Variants in SLC43A3 observed in about 807,000 individuals in gnomAD.
SLC43A3 encodes the protein equilibrative nucleobase transporter 1.
In SLC43A3, 33 loss-of-function variants were observed where a neutral mutation model predicts 53.3. That is an observed-to-expected ratio of 0.62 (90% confidence interval 0.47 to 0.83). SLC43A3 has a LOEUF of 0.83. Ranked by LOEUF, SLC43A3 falls within the 40% of genes least tolerant of loss-of-function variation. The pLI, the probability that SLC43A3 is intolerant of heterozygous loss-of-function variation, is 0.00. For synonymous variants in SLC43A3, 236 were observed against 246.2 expected (o/e 0.96, Z 0.39); for missense variants, 530 against 610.0 (o/e 0.87, Z 1.38).
intron 11 of SLC43A3, among the ~76,000 whole-genome samples, chr11:57,411,776 A>G (rs1942486621): frequency 6.6e-6 from 1 of 152,158 alleles, no homozygotes; most frequent in Non-Finnish European, 1.5e-5. Flanking sequence ...AGAAGTAGCA[A>G]CAGTATTTAG....
intron 4 of SLC43A3, 127 bp downstream of exon 4, chr11:57,425,414 G>T: frequency 1.1e-6 from 1 of 922,956 alleles, no homozygotes; most frequent in Non-Finnish European, 1.7e-6. Flanking sequence ...GCTGCTGGGA[G>T]CGAGCTGCAG....
At position 57,408,841 on chromosome 11, in the gene SLC43A3, A is replaced by G. The variant is rs1942321719; in HGVS notation, c.1371+334T>C. ...CATCCCTCCAGGTGTAAGGACACAG[A>G]GGTGAAAGCACAGAGGTCCTGTCCC... is the stretch of plus-strand genomic sequence containing the variant. On this transcript the variant is annotated intron_variant, in intron 13 of 13. Transcript: ENST00000395124. 1.1e-5 allele frequency: 3 copies of G among 267,746 alleles called. No individual in the cohort carries two copies. In the East Asian group the frequency reaches 2.7e-4, roughly 24 times the overall value. The allele number at this position is 267,746 out of a possible 1,614,324, so 16.6% of individuals were successfully genotyped here.
In SLC43A3 at chr11:57,407,646, G is replaced by A. The variant is rs139826887; in HGVS notation, c.*146C>T. ...GAGATTCTTTTCTTGCTGCGCAGAC[G>A]TCCTTGTGTGTCTTTATTTTGTGTG... On this transcript the variant is annotated 3_prime_UTR_variant, in exon 14 of 14. Transcript: ENST00000395124. The A allele has an allele frequency of 8.6e-5, 51 of 591,156 alleles. No individual in the cohort carries two copies. The Middle Eastern group carries it at 1.0e-3, about 12-fold the overall frequency. 36.6% of individuals were successfully genotyped at this position (591,156 alleles called of 1,614,324 possible).
rs529265835 is a variant in SLC43A3 at position 57,425,765 on chromosome 11, G to A, written c.185-95C>T. On this transcript the variant is annotated intron_variant, in intron 3 of 13. Transcript: ENST00000395124. ...CTCCACCTCAGACAGCTTGTCGGTCGCAAACTTGTCCCTTAAGCTGAGTTG... is the reference window on the plus strand; with the variant it reads ...CTCCACCTCAGACAGCTTGTCGGTCACAAACTTGTCCCTTAAGCTGAGTTG... 35 of 1,557,688 alleles carry A rather than the reference G, an allele frequency of 2.2e-5. No individual in the cohort carries two copies. The East Asian group carries it at 3.0e-4, about 13-fold the overall frequency.
At chr11:57,409,735 C>A (rs1942365016) in intron 12 of SLC43A3, among the ~76,000 whole-genome samples, 200 bp downstream of exon 12, 1 of 152,164 alleles carries the variant, frequency 6.6e-6, no homozygotes, top group Non-Finnish European at 1.5e-5. Context: ...GAGAGGGCAC[C>A]GCAGATGTAA....
chr11:57,421,144 C>T (rs1248028384), intron 6 of SLC43A3, 80 bp from the exon 7 acceptor site: 1 of 1,254,846 alleles, frequency 8.0e-7, no homozygotes, highest in African/African-American at 1.5e-5. Context: ...TGTGGCAGAC[C>T]CTCCTTATAC....
rs1365388317 is a variant in SLC43A3, at chr11:57,407,356, A to T, written c.*436T>A. 6.1e-6 allele frequency: 1 copy of T among 162,846 alleles called. No homozygotes were observed. Among genetic ancestry groups the T allele is most frequent in the African/African-American group, 2.4e-5 (1 of 41,616 alleles). The allele number at this position is 162,846 out of a possible 1,614,324, so 10.1% of individuals were successfully genotyped here. ...TTCTCTAGCCAAGGCTGCACTCTTG[A>T]GGGAGAGCCAGGAAGCATAGCTGAG... On this transcript the variant is annotated 3_prime_UTR_variant, in exon 14 of 14. Coordinates refer to ENST00000395124, the MANE Select transcript of SLC43A3 (RefSeq NM_199329.3).
Position 57,410,108 on chromosome 11 carries a change from C to A in SLC43A3, c.1074G>T (p.Leu358Phe). The A allele has an allele frequency of 6.2e-7, 1 of 1,603,108 alleles. No individual in the cohort carries two copies. The highest frequency in any genetic ancestry group is 1.7e-5 in the Admixed American group (1 of 57,526). ...KEARKTGSST[L>F]AVALCSTVPS... ...GCACCGTCGAGCAGAGGGCCACCGC[C>A]AAAGTGGAGGAACCTGGGCGAACAG... Residue 358 changes from leucine (L) to phenylalanine (F), a missense_variant, in exon 12 of 14, where the codon TTG (leucine) becomes TTT (phenylalanine). Physicochemically the swap from Leu to Phe is conservative, Grantham distance 22. This residue lies in a region of SLC43A3 where 376 missense variants were observed against 386.7 expected (regional missense o/e 0.97). Transcript: ENST00000395124.
rs576384810 is a variant in SLC43A3 at position 57,415,329 on chromosome 11, C to CTCTG, written c.770-224_770-223insCAGA. The stretch of plus-strand genomic sequence containing the variant: ...ACCTTGGATGACCCTCTGTGTTCTT[C>CTCTG]TCTATTGAAATCCGATCTGTCTCTC... On this transcript the variant is annotated intron_variant, in intron 9 of 13. Transcript: ENST00000395124. 3.4e-4 allele frequency: 513 copies of CTCTG among 1,513,144 alleles called. 4 individuals carry two copies. In the African/African-American group the frequency reaches 6.5e-3, roughly 19 times the overall value. 93.7% of individuals were successfully genotyped at this position (1,513,144 alleles called of 1,614,324 possible).
chr11:57,418,404 C>T (rs1006365369), intron 7 of SLC43A3, among the ~76,000 whole-genome samples: 6 of 151,970 alleles, frequency 3.9e-5, no homozygotes, highest in Admixed American at 2.0e-4. Flanking sequence ...TTTAAGAGCA[C>T]TATGCAGGGC....
At chr11:57,411,696 C>CTGTACATCTCTAA (rs1184919181) in intron 11 of SLC43A3, among the ~76,000 whole-genome samples, 18 of 151,594 alleles carry the variant, frequency 1.2e-4, no homozygotes, top group Non-Finnish European at 2.1e-4. Flanking sequence ...GGCAATTTGA[C>CTGTACATCTCTAA]TGTACATCTC....
intron 4 of SLC43A3, among the ~76,000 whole-genome samples, chr11:57,425,309 T>C (rs1383902570): frequency 6.6e-6 from 1 of 152,224 alleles, no homozygotes; most frequent in Non-Finnish European, 1.5e-5. Flanking sequence ...GCCACATTTA[T>C]GCAGAGCAGG....
chr11:57,416,787 T>C, intron 8 of SLC43A3, 117 bp from the exon 9 acceptor site: 1 of 768,316 alleles, frequency 1.3e-6, no homozygotes, highest in Admixed American at 2.2e-5. Context: ...AATCACCTTT[T>C]AGCCACTCTG....
At chr11:57,412,171 C>T (rs1443813444) in intron 11 of SLC43A3, among the ~76,000 whole-genome samples, 1 of 152,024 alleles carries the variant, frequency 6.6e-6, no homozygotes, top group Non-Finnish European at 1.5e-5. Flanking sequence ...GTGAAATGGA[C>T]CTGAACATTT....
At chr11:57,416,442 C>T in intron 9 of SLC43A3, 131 bp downstream of exon 9, 1 of 665,962 alleles carries the variant, frequency 1.5e-6, no homozygotes, top group Non-Finnish European at 2.7e-6. Flanking sequence ...TGGGAAGATG[C>T]CTAAGGCCCT....
intron 4 of SLC43A3, 136 bp from the exon 5 acceptor site, chr11:57,424,164 G>A: frequency 1.3e-6 from 1 of 799,530 alleles, no homozygotes; most frequent in Admixed American, 2.1e-5. Flanking sequence ...GGGCACTGAT[G>A]CCTCTGAGCC....
At position 57,426,210 on chromosome 11, in the gene SLC43A3, C is replaced by A. The variant is rs768970605; in HGVS notation, c.-38G>T. The stretch of plus-strand genomic sequence containing the variant: ...AGTGGATCTTCAAATCCCACTTTGT[C>A]CTCCTGGACGGATCACAGGCGCCGT... On this transcript the variant is annotated 5_prime_UTR_variant, in exon 3 of 14. Transcript: ENST00000395124. 1 of 1,599,098 alleles carries A rather than the reference C, an allele frequency of 6.3e-7. No homozygotes were observed. The highest frequency in any genetic ancestry group is 1.1e-5 in the South Asian group (1 of 90,638).
In SLC43A3 at chr11:57,415,317, C is replaced by T. The variant is rs1179940385; in HGVS notation, c.770-211G>A. The T allele has an allele frequency of 3.9e-6, 6 of 1,520,102 alleles. No homozygotes were observed. The East Asian group carries it at 1.3e-4, about 32-fold the overall frequency. The allele number at this position is 1,520,102 out of a possible 1,614,324, so 94.2% of individuals were successfully genotyped here. On this transcript the variant is annotated intron_variant, in intron 9 of 13. Transcript: ENST00000395124. ...GCTGGCCCTACCACCTTGGATGACC[C>T]TCTGTGTTCTTCTCTATTGAAATCC...
At chr11:57,425,301 C>T (rs771542627) in intron 4 of SLC43A3, among the ~76,000 whole-genome samples, 5 of 152,198 alleles carry the variant, frequency 3.3e-5, no homozygotes, top group African/African-American at 7.2e-5. Context: ...ATAGGGAAGC[C>T]ACATTTATGC....
Sources: allele counts gnomAD v4.1 joint callset (sites outside exome capture counted in the v4.1 genomes callset), GRCh38; gene constraint gnomAD v4.1.1; regional missense constraint gnomAD v4.1.1; transcripts MANE v1.5; gene names NCBI Gene and HGNC (gene_info 2026-07-23, HGNC 2026-07-21).